Variants in SOX5 observed in about 807,000 individuals in gnomAD.
SOX5 encodes the protein transcription factor SOX-5.
In SOX5, 9 loss-of-function variants were observed where a neutral mutation model predicts 92.0. The ratio of observed to expected loss-of-function variants is 0.10; its 90% CI spans 0.06 to 0.17. The LOEUF is 0.17. Ranked by LOEUF, SOX5 falls within the 10% of genes least tolerant of loss-of-function variation. The pLI, the probability that SOX5 is intolerant of heterozygous loss-of-function variation, is 1.00. For missense variants in SOX5, 642 were observed against 944.5 expected (o/e 0.68, Z 4.20); for synonymous variants, 344 against 336.3 (o/e 1.02, Z -0.25).
chr12:24,475,637 A>C (rs1482495568), intron 1 of SOX5, among the ~76,000 whole-genome samples: 3 of 152,236 alleles, frequency 2.0e-5, no homozygotes, highest in African/African-American at 7.2e-5. Context: ...TAAAGTACAG[A>C]AATTGATTTT....
intron 9 of SOX5, among the ~76,000 whole-genome samples, chr12:23,589,234 A>C (rs891061598): frequency 6.6e-6 from 1 of 151,946 alleles, no homozygotes; most frequent in African/African-American, 2.4e-5. Flanking sequence ...AACCTTACAA[A>C]ATGAAATACA....
In SOX5 at chr12:23,783,707, T is replaced by C. The variant is rs143435513; in HGVS notation, c.482-27983A>G. Among the ~76,000 whole-genome samples, 72 of 152,354 alleles carry C rather than the reference T, an allele frequency of 4.7e-4. No homozygotes were observed. The East Asian group carries it at 0.013, about 28-fold the overall frequency. Reference sequence around the variant, plus strand: ...CTTAGAAATTTTTCTTTTCTTTTTGTCTTTACTTCACAGTAACTTTACCCA... The same window carrying C: ...CTTAGAAATTTTTCTTTTCTTTTTGCCTTTACTTCACAGTAACTTTACCCA... On this transcript the variant is annotated intron_variant, in intron 3 of 14. Transcript: ENST00000451604.
intron 6 of SOX5, among the ~76,000 whole-genome samples, chr12:23,719,756 C>A (rs914594616): frequency 3.9e-5 from 5 of 128,352 alleles, no homozygotes; most frequent in Non-Finnish European, 7.9e-5. Flanking sequence ...CAGAGTGAGA[C>A]CCTGCTTTCA....
At chr12:24,129,941 C>T (rs1949487695) in intron 4 of SOX5, among the ~76,000 whole-genome samples, 1 of 151,938 alleles carries the variant, frequency 6.6e-6, no homozygotes, top group Admixed American at 6.6e-5. Context: ...TCTAACATGC[C>T]CATGGTAAAA....
At chr12:24,069,417 T>C (rs974478309) in intron 4 of SOX5, among the ~76,000 whole-genome samples, 2 of 152,206 alleles carry the variant, frequency 1.3e-5, no homozygotes, top group East Asian at 1.9e-4. Context: ...AATAACTGCA[T>C]AGCAAAGCAA....
Position 24,233,359 on chromosome 12 carries a change from G to A in SOX5, c.-76-19942C>T, listed in dbSNP as rs956877515. On this transcript the variant is annotated intron_variant, in intron 3 of 4. Coordinates refer to the SOX5 transcript ENST00000446891. ...TAAAATTGTAGATGATTATGAAGAC[G>A]AAACAAATATAAAGAAAAATTTACA... is the stretch of plus-strand genomic sequence containing the variant. Among the ~76,000 whole-genome samples the A allele has an allele frequency of 5.3e-5, 8 of 151,846 alleles. No homozygotes were observed. The East Asian group carries it at 1.2e-3, about 22-fold the overall frequency.
intron 1 of SOX5, among the ~76,000 whole-genome samples, chr12:24,384,816 G>A (rs539796068): frequency 2.0e-5 from 3 of 152,140 alleles, no homozygotes; most frequent in Admixed American, 6.5e-5. Context: ...TTCAGCAAGG[G>A]ATCTCCTGAA....
chr12:23,970,029 TGAA>T (rs999391087), intron 4 of SOX5, among the ~76,000 whole-genome samples: 1 of 152,206 alleles, frequency 6.6e-6, no homozygotes, highest in African/African-American at 2.4e-5. Context: ...TCTGCCAAAA[TGAA>T]GAAGCATGTC....
At chr12:24,264,391 C>G (rs1240124431) in intron 3 of SOX5, among the ~76,000 whole-genome samples, 4 of 152,026 alleles carry the variant, frequency 2.6e-5, no homozygotes, top group African/African-American at 9.7e-5. Flanking sequence ...AAATATTTGT[C>G]TATGAATTTT....
At chr12:24,491,942 T>C (rs1294105205) in intron 1 of SOX5, among the ~76,000 whole-genome samples, 1 of 151,970 alleles carries the variant, frequency 6.6e-6, no homozygotes, top group Non-Finnish European at 1.5e-5. Context: ...CAGAATGCAT[T>C]TGCTGAATTA....
At chr12:24,065,580 G>GA in intron 4 of SOX5, among the ~76,000 whole-genome samples, 1 of 144,810 alleles carries the variant, frequency 6.9e-6, no homozygotes, top group Middle Eastern at 3.5e-3. Context: ...CCGGGAGGCA[G>GA]AGGTTGCAGT....
At chr12:23,747,804 T>C (rs2094041824) in intron 4 of SOX5, among the ~76,000 whole-genome samples, 1 of 152,018 alleles carries the variant, frequency 6.6e-6, no homozygotes, top group Admixed American at 6.6e-5. Flanking sequence ...AAAATCTTCC[T>C]CTTGAAATGA....
chr12:23,758,504 A>T (rs2141281246), intron 3 of SOX5, among the ~76,000 whole-genome samples: 1 of 152,004 alleles, frequency 6.6e-6, no homozygotes, highest in African/African-American at 2.4e-5. Flanking sequence ...CACATGTGGT[A>T]TCTCAGACTG....
At chr12:24,012,229 A>C (rs1336159129) in intron 4 of SOX5, among the ~76,000 whole-genome samples, 1 of 152,212 alleles carries the variant, frequency 6.6e-6, no homozygotes, top group African/African-American at 2.4e-5. Flanking sequence ...ACTTCTTTCC[A>C]TAGTAACACA....
chr12:23,551,433 T>C (rs1944195798), intron 11 of SOX5, among the ~76,000 whole-genome samples: 2 of 151,836 alleles, frequency 1.3e-5, no homozygotes, highest in South Asian at 2.1e-4. Context: ...CCACATAATA[T>C]AACACCGAAA....
intron 2 of SOX5, among the ~76,000 whole-genome samples, chr12:23,846,829 C>T (rs1387784580): frequency 6.6e-6 from 1 of 152,120 alleles, no homozygotes; most frequent in African/African-American, 2.4e-5. Flanking sequence ...ACATTTTCAA[C>T]TTCATTTGTT....
intron 1 of SOX5, among the ~76,000 whole-genome samples, chr12:24,506,084 C>T (rs1027908113): frequency 7.2e-5 from 11 of 152,090 alleles, no homozygotes; most frequent in African/African-American, 2.7e-4. Flanking sequence ...ACCACACCCC[C>T]TATGTGTGAC....
At chr12:24,236,320 GTTGC>G (rs1177715054) in intron 3 of SOX5, among the ~76,000 whole-genome samples, 1 of 152,154 alleles carries the variant, frequency 6.6e-6, no homozygotes, top group Non-Finnish European at 1.5e-5. Flanking sequence ...GCTGAGAGGT[GTTGC>G]TTGATGTTCT....
chr12:23,861,913 T>C (rs1313438117), intron 2 of SOX5, among the ~76,000 whole-genome samples: 3 of 152,154 alleles, frequency 2.0e-5, no homozygotes, highest in East Asian at 3.9e-4. Flanking sequence ...ACCTTGAACA[T>C]AGACAGGGGG....
Sources: gnomAD v4.1 joint callset for allele counts (sites outside exome capture counted in the v4.1 genomes callset) on GRCh38, gnomAD v4.1.1 for gene constraint, MANE v1.5 for transcripts, NCBI Gene and HGNC (gene_info 2026-07-23, HGNC 2026-07-21) for gene names.